The following UTRN variants were observed in gnomAD, a reference collection of about 807,000 sequenced individuals.
UTRN encodes dystrophin-related protein 1.
In UTRN, 283 loss-of-function variants were observed where a neutral mutation model predicts 463.9. The observed-to-expected ratio is 0.61, with a 90% CI of 0.55 to 0.67. UTRN has a LOEUF of 0.67. Among genes scored for constraint, UTRN ranks in the 30% least tolerant of loss-of-function variants. UTRN has a pLI of 0.00. For synonymous variants in UTRN, 1,442 were observed against 1,431.5 expected (o/e 1.01, Z -0.17); for missense variants, 3,922 against 4,084.3 (o/e 0.96, Z 1.08).
At chr6:144,711,973 G>A (rs1188315902) in intron 53 of UTRN, among the ~76,000 whole-genome samples, 1 of 152,162 alleles carries the variant, frequency 6.6e-6, no homozygotes, top group Non-Finnish European at 1.5e-5. Flanking sequence ...GGCTGTGTGT[G>A]TGTGTGTGTC....
rs371299287 is a variant in UTRN at position 144,652,985 on chromosome 6, G to A, written c.7480-25421G>A. On this transcript the variant is annotated intron_variant, in intron 51 of 74. Coordinates refer to ENST00000367545, the MANE Select transcript of UTRN (RefSeq NM_007124.3). ...TAGGTATCTACTCAGGAAGGTAAAT[G>A]TGTTTTACTTGGGTATTTTCTATCT... Among the ~76,000 whole-genome samples the A allele has an allele frequency of 4.6e-5, 7 of 152,288 alleles. 1 individual carries two copies. In the South Asian group the frequency reaches 1.0e-3, roughly 23 times the overall value.
At chr6:144,390,070 G>T (rs1256414982) in intron 2 of UTRN, among the ~76,000 whole-genome samples, 1 of 152,204 alleles carries the variant, frequency 6.6e-6, no homozygotes, top group African/African-American at 2.4e-5. Flanking sequence ...CTTGAAAATA[G>T]CATAGAGAGC....
rs3811099 is a variant in UTRN, at chr6:144,522,722, A to G, written c.5734-294A>G. Among the ~76,000 whole-genome samples, 24,061 of 152,118 alleles carry G rather than the reference A, an allele frequency of 0.16. 2,271 individuals are homozygous for G. Among genetic ancestry groups the G allele is most frequent in the Middle Eastern group, 0.27 (78 of 294 alleles). ...AAAATATCACTATTTCCAGCTTCAA[A>G]TGCCTCATTACCTATAGAGAATGTT... is the stretch of plus-strand genomic sequence containing the variant. On this transcript the variant is annotated intron_variant, in intron 40 of 74. Coordinates refer to ENST00000367545, the MANE Select transcript of UTRN (RefSeq NM_007124.3).
intron 2 of UTRN, among the ~76,000 whole-genome samples, chr6:144,378,200 G>A (rs1780621021): frequency 6.6e-6 from 1 of 152,188 alleles, no homozygotes; most frequent in South Asian, 2.1e-4. Context: ...GGTTGAAAAG[G>A]CAATACATAT....
intron 65 of UTRN, among the ~76,000 whole-genome samples, chr6:144,815,938 C>G (rs1404472623): frequency 2.6e-5 from 4 of 152,178 alleles, no homozygotes; most frequent in Admixed American, 1.3e-4. Flanking sequence ...TTTTGCAATT[C>G]CCAATGAATG....
intron 3 of UTRN, among the ~76,000 whole-genome samples, chr6:144,412,459 G>A (rs1280005981): frequency 6.6e-6 from 1 of 152,128 alleles, no homozygotes; most frequent in African/African-American, 2.4e-5. Context: ...CTACATTTGT[G>A]TCAGTGTTGA....
chr6:144,291,876 C>G lies in UTRN; in HGVS notation c.48C>G (p.Asn16Lys), dbSNP rs760717973. Residue 16 changes from asparagine (N) to lysine (K), a missense_variant, in exon 2 of 75, where the codon AAC (asparagine) becomes AAG (lysine). By Grantham distance (94) the Asn-to-Lys change is moderately conservative. Around this residue, in one of 3 missense-constraint regions of UTRN, gnomAD observed 264 missense variants for 327.9 expected, o/e 0.81. Coordinates refer to ENST00000367545, the MANE Select transcript of UTRN (RefSeq NM_007124.3). Reference sequence around the variant, plus strand: ...AAGCCAGTCCTGACAATGGGCAGAACGAATTCAGTGATATCATTAAGTCCA... The same window carrying G: ...AAGCCAGTCCTGACAATGGGCAGAAGGAATTCAGTGATATCATTAAGTCCA... ...EHEASPDNGQ[N>K]EFSDIIKSRS... The G allele has an allele frequency of 6.2e-7, 1 of 1,612,724 alleles. No individual in the cohort carries two copies. The highest frequency in any genetic ancestry group is 8.5e-7 in the Non-Finnish European group (1 of 1,179,318).
intron 53 of UTRN, among the ~76,000 whole-genome samples, chr6:144,711,331 AC>A (rs1230872794): frequency 6.6e-6 from 1 of 151,630 alleles, no homozygotes; most frequent in African/African-American, 2.4e-5. Flanking sequence ...AAACAAACAA[AC>A]AAAAAAAAAA....
intron 2 of UTRN, among the ~76,000 whole-genome samples, chr6:144,312,604 A>G (rs933998064): frequency 7.2e-5 from 11 of 152,236 alleles, no homozygotes; most frequent in African/African-American, 2.2e-4. Flanking sequence ...AAATATATAC[A>G]GAATTTCCCT....
intron 2 of UTRN, among the ~76,000 whole-genome samples, chr6:144,338,284 A>T (rs1562264930): frequency 2.0e-5 from 3 of 152,084 alleles, no homozygotes; most frequent in African/African-American, 7.2e-5. Context: ...GTTTATAATC[A>T]TTGCTGTGAT....
intron 2 of UTRN, among the ~76,000 whole-genome samples, chr6:144,341,739 A>G (rs1321869375): frequency 6.6e-6 from 1 of 152,174 alleles, no homozygotes; most frequent in Non-Finnish European, 1.5e-5. Flanking sequence ...AAAGATTGAA[A>G]TGTCATATTT....
At chr6:144,476,862 C>T (rs1791264467) in intron 25 of UTRN, among the ~76,000 whole-genome samples, 1 of 152,056 alleles carries the variant, frequency 6.6e-6, no homozygotes, top group Non-Finnish European at 1.5e-5. Context: ...CAAGCATAAC[C>T]AACTTTGAGA....
Position 144,344,348 on chromosome 6 carries a change from T to C in UTRN, c.79+52441T>C, listed in dbSNP as rs1777395388. The C allele has an allele frequency of 1.5e-6, 2 of 1,303,700 alleles. 1 individual carries two copies. The highest frequency in any genetic ancestry group is 4.6e-5 in the Admixed American group (2 of 43,496). The allele number at this position is 1,303,700 out of a possible 1,614,324, so 80.8% of individuals were successfully genotyped here. A position where few individuals can be genotyped will look rare whatever the true frequency, so the allele number is the denominator to read the frequency against. ...ACGACTCCCAGCCAGTGAGGTTTTC[T>C]TAAGAAACGTCTATGAAGACAGGGT... On this transcript the variant is annotated intron_variant, in intron 2 of 74. Coordinates refer to ENST00000367545, the MANE Select transcript of UTRN (RefSeq NM_007124.3).
At chr6:144,595,271 G>A (rs1260059504) in intron 51 of UTRN, among the ~76,000 whole-genome samples, 2 of 152,176 alleles carry the variant, frequency 1.3e-5, no homozygotes, top group Admixed American at 6.5e-5. Flanking sequence ...CAGAGCTGGA[G>A]TATTATGGAA....
chr6:144,472,221 T>C (rs1455822787), intron 23 of UTRN, among the ~76,000 whole-genome samples: 1 of 152,140 alleles, frequency 6.6e-6, no homozygotes, highest in Non-Finnish European at 1.5e-5. Context: ...TATATGTGCT[T>C]AGGAAAGAAT....
chr6:144,667,147 A>G (rs1405850101), intron 51 of UTRN, among the ~76,000 whole-genome samples: 1 of 151,816 alleles, frequency 6.6e-6, no homozygotes, highest in African/African-American at 2.4e-5. Flanking sequence ...CTTTGCCTCC[A>G]GGGCTCAAGT....
At chr6:144,465,263 A>G (rs1475930465) in intron 23 of UTRN, among the ~76,000 whole-genome samples, 1 of 152,224 alleles carries the variant, frequency 6.6e-6, no homozygotes, top group Non-Finnish European at 1.5e-5. Context: ...AGGGTTAGCT[A>G]AATGTATGCT....
At chr6:144,631,233 GAGAGGTGTGTGTGT>G (rs750932981) in intron 51 of UTRN, among the ~76,000 whole-genome samples, 1 of 123,608 alleles carries the variant, frequency 8.1e-6, no homozygotes, top group Non-Finnish European at 1.7e-5. Context: ...GTGTGAGAGA[GAGAGGTGTGTGTGT>G]GTGTGTGTGT....
At chr6:144,742,996 A>G (rs926268730) in intron 54 of UTRN, among the ~76,000 whole-genome samples, 2 of 152,246 alleles carry the variant, frequency 1.3e-5, no homozygotes, top group South Asian at 2.1e-4. Context: ...CTATTTCACA[A>G]TAGTTTTTTT....
Sources: gnomAD v4.1 joint callset for allele counts (sites outside exome capture counted in the v4.1 genomes callset) on GRCh38, gnomAD v4.1.1 for gene constraint, gnomAD v4.1.1 regional missense constraint, MANE v1.5 for transcripts, NCBI Gene and HGNC (gene_info 2026-07-23, HGNC 2026-07-21) for gene names.